The following TARDBP variants were observed in gnomAD, a reference collection of about 807,000 sequenced individuals.
TARDBP encodes TAR DNA-binding protein 43.
In TARDBP, 4 loss-of-function variants were observed where a neutral mutation model predicts 38.3. That is an observed-to-expected ratio of 0.10 (90% CI 0.05 to 0.24). The LOEUF (loss-of-function observed/expected upper bound fraction) is 0.24, where lower values mean the gene tolerates loss of function less well. TARDBP is among the 10% of genes least tolerant of loss of function. The pLI is 1.00. For synonymous variants in TARDBP, 184 were observed against 183.8 expected (o/e 1.00, Z -0.01); for missense variants, 202 against 521.9 (o/e 0.39, Z 5.97).
At position 11,023,764 on chromosome 1, in the gene TARDBP, T is replaced by C. The variant is rs907637741; in HGVS notation, c.*1110T>C. 8 of 158,124 alleles carry C rather than the reference T, an allele frequency of 5.1e-5. No individual in the cohort carries two copies. The highest frequency in any genetic ancestry group is 1.9e-4 in the African/African-American group (8 of 41,548). 9.8% of individuals were successfully genotyped at this position (158,124 alleles called of 1,614,324 possible). A position where few individuals can be genotyped will look rare whatever the true frequency, so the allele number is the denominator to read the frequency against. On this transcript the variant is annotated 3_prime_UTR_variant, in exon 6 of 6. Coordinates refer to ENST00000240185, the MANE Select transcript of TARDBP (RefSeq NM_007375.4). ...CCCCTTTGTCAACTGCTGTGAATGC[T>C]GTATGGTGTGTGTTCTCTTCTGTTA... is the stretch of plus-strand genomic sequence containing the variant.
At chr1:11,026,872 G>A (rs546947712), downstream of TARDBP, 1 of 1,472,246 alleles carries the variant, frequency 6.8e-7, no homozygotes, top group Non-Finnish European at 9.0e-7. Flanking sequence ...ATCCTTGACT[G>A]CAGACACGCA....
At position 11,023,176 on chromosome 1, in the gene TARDBP, T is replaced by C; in HGVS notation, c.*522T>C. The C allele has an allele frequency of 6.5e-7, 1 of 1,550,118 alleles. No homozygotes were observed. The highest frequency in any genetic ancestry group is 8.7e-7 in the Non-Finnish European group (1 of 1,146,658). On this transcript the variant is annotated 3_prime_UTR_variant, in exon 6 of 6. Transcript: ENST00000240185. ...TACACAAAAGTACAATATGAAGCCTTCATTTAATCTCTGCAGTTCATCTCA... is the reference window on the plus strand; with the variant it reads ...TACACAAAAGTACAATATGAAGCCTCCATTTAATCTCTGCAGTTCATCTCA...
chr1:11,030,213 G>A (rs1553160625), downstream of TARDBP: 2 of 1,613,456 alleles, frequency 1.2e-6, no homozygotes. Flanking sequence ...CTCCTTTGGA[G>A]CTCGTCCAGA....
downstream of TARDBP, among the ~76,000 whole-genome samples, chr1:11,028,363 CTAGGAAAG>C (rs1322589773): frequency 6.6e-6 from 1 of 151,966 alleles, no homozygotes; most frequent in Non-Finnish European, 1.5e-5. Context: ...TTATGTAATC[CTAGGAAAG>C]CAGGAACTAA....
downstream of TARDBP, among the ~76,000 whole-genome samples, chr1:11,028,873 C>A (rs144479610): frequency 3.9e-3 from 594 of 151,818 alleles, 7 homozygotes; most frequent in African/African-American, 0.013. Context: ...GCCACCACAC[C>A]TGGCTAATTT....
chr1:11,018,411 ACTC>A lies in TARDBP; in HGVS notation c.403-319_403-317del, dbSNP rs1447523695. 2.7e-5 allele frequency: 10 copies of A among 377,358 alleles called. 1 individual carries two copies. Among genetic ancestry groups the A allele is most frequent in the African/African-American group, 1.1e-4 (5 of 47,474 alleles). 23.4% of individuals were successfully genotyped at this position (377,358 alleles called of 1,614,324 possible). On this transcript the variant is annotated intron_variant, in intron 3 of 5. Coordinates refer to ENST00000240185, the MANE Select transcript of TARDBP (RefSeq NM_007375.4). ...GCTGTGTTGCCCAGGCTGGTCCTGA[ACTC>A]CTGTGCTCAAGCGATCCACCCTCCT...
chr1:11,026,694 G>A, downstream of TARDBP: 1 of 432,296 alleles, frequency 2.3e-6, no homozygotes, highest in Middle Eastern at 6.0e-4. Context: ...GTCCCCTTGA[G>A]TCAATGGGTA....
intron 3 of TARDBP, among the ~76,000 whole-genome samples, chr1:11,017,428 T>G (rs1167546359): frequency 6.6e-6 from 1 of 152,176 alleles, no homozygotes; most frequent in African/African-American, 2.4e-5. Context: ...CTTGAACTCC[T>G]GACCTCAAGT....
At chr1:11,028,217 C>T (rs1299706968), downstream of TARDBP, among the ~76,000 whole-genome samples, 1 of 145,106 alleles carries the variant, frequency 6.9e-6, no homozygotes, top group African/African-American at 2.5e-5. Context: ...AACTCCATCT[C>T]AAAAAAAAAA....
chr1:11,014,163 A>T (rs761465313), intron 2 of TARDBP, among the ~76,000 whole-genome samples, 198 bp downstream of exon 2: 6 of 152,216 alleles, frequency 3.9e-5, no homozygotes, highest in South Asian at 4.1e-4. Flanking sequence ...TTAAAAGAGA[A>T]AACAATGTAT....
In TARDBP at chr1:11,020,772, G is replaced by A. The variant is rs537176303; in HGVS notation, c.714+173G>A. Among the ~76,000 whole-genome samples the A allele has an allele frequency of 4.6e-5, 7 of 151,926 alleles. No individual in the cohort carries two copies. The East Asian group carries it at 9.7e-4, about 21-fold the overall frequency. On this transcript the variant is annotated intron_variant, in intron 5 of 5. Transcript: ENST00000240185. ...ATACAAAAAAAAAAAAAAATAGCTC[G>A]GTGTGGTGGTGCACGCCTGTGGTCC... is the stretch of plus-strand genomic sequence containing the variant.
At chr1:11,019,104 G>C in intron 4 of TARDBP, 1 of 571,256 alleles carries the variant, frequency 1.8e-6, no homozygotes, top group South Asian at 2.0e-5. Flanking sequence ...CTTCCTTTTC[G>C]CTATGGATGG....
chr1:11,026,817 C>T, downstream of TARDBP: 1 of 1,356,862 alleles, frequency 7.4e-7, no homozygotes, highest in East Asian at 2.6e-5. Flanking sequence ...GCTTCTCGAG[C>T]CACGTCGCTG....
downstream of TARDBP, chr1:11,027,317 T>C: frequency 1.9e-6 from 3 of 1,614,074 alleles, no homozygotes; most frequent in Non-Finnish European, 2.5e-6. Context: ...TGCTATTGAT[T>C]ACAACTTTGT....
downstream of TARDBP, among the ~76,000 whole-genome samples, chr1:11,028,622 A>G (rs1206346105): frequency 6.6e-6 from 1 of 152,132 alleles, no homozygotes; most frequent in African/African-American, 2.4e-5. Context: ...ACGTTGTGTT[A>G]GCCAAATACA....
At chr1:11,017,588 C>T (rs1032407937) in intron 3 of TARDBP, among the ~76,000 whole-genome samples, 4 of 152,030 alleles carry the variant, frequency 2.6e-5, no homozygotes, top group Admixed American at 1.3e-4. Flanking sequence ...TATGTTGTAC[C>T]CTATGTTATT....
At chr1:11,016,450 G>C (rs1643527422) in intron 2 of TARDBP, among the ~76,000 whole-genome samples, 1 of 152,090 alleles carries the variant, frequency 6.6e-6, no homozygotes, top group Admixed American at 6.6e-5. Context: ...CTGGTTTTCT[G>C]TTTTATTACA....
chr1:11,022,090 A>G lies in TARDBP; in HGVS notation c.715-34A>G. The G allele has an allele frequency of 6.2e-7, 1 of 1,612,668 alleles. No homozygotes were observed. The highest frequency in any genetic ancestry group is 1.3e-5 in the African/African-American group (1 of 75,022). On this transcript the variant is annotated intron_variant, in intron 5 of 5. Coordinates refer to ENST00000240185, the MANE Select transcript of TARDBP (RefSeq NM_007375.4). This position sits in a 1 kb window ranked among gnomAD's most constrained non-coding sequence, Gnocchi z 4.5. Reference sequence around the variant, plus strand: ...CTTTAAATATATGAATCAGTGGTTTAATCTTCTTTGTTTACATCCCTTATT... The same window carrying G: ...CTTTAAATATATGAATCAGTGGTTTGATCTTCTTTGTTTACATCCCTTATT...
chr1:11,020,684 G>T, intron 5 of TARDBP, 85 bp downstream of exon 5: 3 of 1,472,514 alleles, frequency 2.0e-6, no homozygotes, highest in South Asian at 1.1e-5. Flanking sequence ...GAGGCGGGTG[G>T]ATCACGAGGT....
Sources: gnomAD v4.1 joint callset for allele counts (sites outside exome capture counted in the v4.1 genomes callset) on GRCh38, gnomAD v4.1.1 for gene constraint, Gnocchi (gnomAD v3.1) non-coding constraint, MANE v1.5 for transcripts, NCBI Gene and HGNC (gene_info 2026-07-23, HGNC 2026-07-21) for gene names.